Variants in FNBP1L observed in about 807,000 individuals in gnomAD.
The protein encoded by FNBP1L is formin-binding protein 1-like.
A neutral mutation model predicts 91.2 loss-of-function variants in FNBP1L; 36 were observed. The observed-to-expected ratio is 0.39, with a 90% confidence interval of 0.30 to 0.52. FNBP1L has a LOEUF of 0.52. Among genes scored for constraint, FNBP1L ranks in the 20% least tolerant of loss-of-function variants. The pLI is 0.66. For synonymous variants in FNBP1L, 242 were observed against 237.0 expected, an observed-to-expected ratio of 1.02 and a Z score of -0.19; for missense variants, 571 against 732.1, an observed-to-expected ratio of 0.78 and a Z score of 2.54.
At chr1:93,463,363 T>C (rs1668963077) in intron 1 of FNBP1L, among the ~76,000 whole-genome samples, 1 of 152,178 alleles carries the variant, frequency 6.6e-6, no homozygotes. Flanking sequence ...ACCTCTTAGC[T>C]TAACAAAAAA....
At chr1:93,490,315 T>G (rs777304324) in intron 1 of FNBP1L, among the ~76,000 whole-genome samples, 1 of 152,198 alleles carries the variant, frequency 6.6e-6, no homozygotes, top group Non-Finnish European at 1.5e-5. Context: ...GACATTTATG[T>G]TGGTGCTGAT....
intron 1 of FNBP1L, among the ~76,000 whole-genome samples, chr1:93,461,444 G>A (rs948386179): frequency 3.3e-5 from 5 of 152,088 alleles, no homozygotes; most frequent in African/African-American, 9.7e-5. Flanking sequence ...GTGGGTTCAC[G>A]AGATCAACAC....
chr1:93,527,984 A>G (rs1671546539), intron 5 of FNBP1L, among the ~76,000 whole-genome samples: 1 of 152,116 alleles, frequency 6.6e-6, no homozygotes, highest in South Asian at 2.1e-4. Context: ...GATAGTAGAA[A>G]AAAAAGCCCA....
intron 1 of FNBP1L, among the ~76,000 whole-genome samples, chr1:93,480,106 G>A (rs894325821): frequency 1.4e-4 from 22 of 152,076 alleles, no homozygotes; most frequent in Admixed American, 1.2e-3. Context: ...CCTCTGCCGC[G>A]GCTTCAGCTG....
intron 2 of FNBP1L, among the ~76,000 whole-genome samples, chr1:93,503,715 C>A (rs1670512648): frequency 6.6e-6 from 1 of 152,158 alleles, no homozygotes; most frequent in South Asian, 2.1e-4. Flanking sequence ...TACTTCAGAT[C>A]ACTTGGTAGA....
At chr1:93,449,075 A>G (rs959333886) in intron 1 of FNBP1L, among the ~76,000 whole-genome samples, 3 of 152,160 alleles carry the variant, frequency 2.0e-5, no homozygotes, top group Admixed American at 2.0e-4. Flanking sequence ...CTGTTGCTTT[A>G]CTTCCCTTTC....
chr1:93,553,426 G>A lies in FNBP1L; in HGVS notation c.*1010G>A, dbSNP rs568102216. On this transcript the variant is annotated 3_prime_UTR_variant, in exon 17 of 17. Coordinates refer to ENST00000271234, the MANE Select transcript of FNBP1L (RefSeq NM_001164473.3). ...TGCAGCTGCCGATGTAGCCTCGGTAGGTGGCTATTAGAGCTCTACCATATA... is the reference window on the plus strand; with the variant it reads ...TGCAGCTGCCGATGTAGCCTCGGTAAGTGGCTATTAGAGCTCTACCATATA... The A allele has an allele frequency of 2.6e-5, 4 of 152,696 alleles. No individual in the cohort carries two copies. The highest frequency in any genetic ancestry group is 5.9e-5 in the Non-Finnish European group (4 of 68,058). 9.5% of individuals were successfully genotyped at this position (152,696 alleles called of 1,614,324 possible).
chr1:93,532,469 CAAAA>C (rs35188106), intron 7 of FNBP1L, among the ~76,000 whole-genome samples: 1 of 62,604 alleles, frequency 1.6e-5, no homozygotes, highest in Admixed American at 2.4e-4. Flanking sequence ...GACTCCGCCT[CAAAA>C]AAAAAAAAAA....
chr1:93,494,592 G>A (rs1002660010), intron 1 of FNBP1L, among the ~76,000 whole-genome samples: 4 of 152,160 alleles, frequency 2.6e-5, no homozygotes, highest in Admixed American at 6.5e-5. Context: ...ATGATTGAAA[G>A]GGGGTTATTA....
At chr1:93,462,868 T>C (rs1011299171) in intron 1 of FNBP1L, among the ~76,000 whole-genome samples, 8 of 152,150 alleles carry the variant, frequency 5.3e-5, no homozygotes, top group Admixed American at 4.6e-4. Context: ...TCACTATGTA[T>C]AGCGAAAACT....
At chr1:93,482,979 C>G (rs1669763923) in intron 1 of FNBP1L, among the ~76,000 whole-genome samples, 1 of 149,950 alleles carries the variant, frequency 6.7e-6, no homozygotes, top group Non-Finnish European at 1.5e-5. Flanking sequence ...GATCGTGCCA[C>G]TGCAGTCCAG....
At chr1:93,533,832 C>G (rs1171990020) in intron 8 of FNBP1L, among the ~76,000 whole-genome samples, 1 of 152,056 alleles carries the variant, frequency 6.6e-6, no homozygotes, top group Non-Finnish European at 1.5e-5. Flanking sequence ...TCATTACAGC[C>G]CTCTTCTCTC....
chr1:93,526,399 A>G (rs985161312), intron 5 of FNBP1L, among the ~76,000 whole-genome samples: 1 of 152,146 alleles, frequency 6.6e-6, no homozygotes, highest in African/African-American at 2.4e-5. Context: ...CCTTAAGGTC[A>G]GCAGTAGGCT....
At chr1:93,524,392 C>G in intron 5 of FNBP1L, 69 bp downstream of exon 5, 1 of 1,105,824 alleles carries the variant, frequency 9.0e-7, no homozygotes, top group Non-Finnish European at 1.2e-6. Context: ...TACTTTTATG[C>G]TTCATATCTA....
intron 12 of FNBP1L, among the ~76,000 whole-genome samples, chr1:93,546,392 C>T (rs1672236929): frequency 6.6e-6 from 1 of 151,782 alleles, no homozygotes; most frequent in Non-Finnish European, 1.5e-5. Flanking sequence ...TGGGTGGGGG[C>T]AAGTTAAAGC....
At chr1:93,481,099 C>G (rs1178058616) in intron 1 of FNBP1L, among the ~76,000 whole-genome samples, 1 of 152,164 alleles carries the variant, frequency 6.6e-6, no homozygotes, top group African/African-American at 2.4e-5. Flanking sequence ...GGAAGAAGCA[C>G]ATAACCAATC....
intron 12 of FNBP1L, among the ~76,000 whole-genome samples, chr1:93,546,508 T>A (rs945537403): frequency 6.6e-6 from 1 of 152,088 alleles, no homozygotes; most frequent in Admixed American, 6.6e-5. Context: ...TGAGTTTGAT[T>A]TGGGACATGA....
At chr1:93,550,308 A>G (rs994643155) in intron 15 of FNBP1L, among the ~76,000 whole-genome samples, 1 of 152,334 alleles carries the variant, frequency 6.6e-6, no homozygotes. Flanking sequence ...GTAAGACCCT[A>G]TCTCTAAAAC....
chr1:93,456,121 T>A (rs1368297976), intron 1 of FNBP1L, among the ~76,000 whole-genome samples: 1 of 152,142 alleles, frequency 6.6e-6, no homozygotes, highest in Non-Finnish European at 1.5e-5. Context: ...AATGTCTGAC[T>A]GCTTTTTGTA....
Sources: gnomAD v4.1 joint callset for allele counts (sites outside exome capture counted in the v4.1 genomes callset) on GRCh38, gnomAD v4.1.1 for gene constraint, MANE v1.5 for transcripts, NCBI Gene and HGNC (gene_info 2026-07-23, HGNC 2026-07-21) for gene names.